Variants in INTS12 observed in about 807,000 individuals in gnomAD.
The protein encoded by INTS12 is integrator complex subunit 12.
A neutral mutation model predicts 41.6 loss-of-function variants in INTS12; 13 were observed. The observed-to-expected ratio is 0.31, with a 90% CI of 0.20 to 0.50. INTS12 has a LOEUF of 0.50. Ranked by LOEUF, INTS12 falls within the 20% of genes least tolerant of loss-of-function variation. The pLI, the probability that INTS12 is intolerant of heterozygous loss-of-function variation, is 0.98. For synonymous variants in INTS12, 199 were observed against 191.4 expected (o/e 1.04, Z -0.33); for missense variants, 432 against 541.6 (o/e 0.80, Z 2.01).
chr4:105,700,640 G>A (rs1402862540), intron 2 of INTS12, among the ~76,000 whole-genome samples: 1 of 147,688 alleles, frequency 6.8e-6, no homozygotes, highest in Admixed American at 6.8e-5. Flanking sequence ...TTTAGATTGT[G>A]GTATCTCATG....
Position 105,693,293 on chromosome 4 carries a change from A to C in INTS12, c.497+6T>G. ...ACAAAAGAATCTGTGGCAAGGTACAACTTACCTACAAACAACGCAGGCCAA... is the reference window on the plus strand; with the variant it reads ...ACAAAAGAATCTGTGGCAAGGTACACCTTACCTACAAACAACGCAGGCCAA... On this transcript the variant is annotated splice_donor_region_variant and intron_variant, in intron 5 of 7. Transcript: ENST00000340139. 1.9e-6 allele frequency: 3 copies of C among 1,578,894 alleles called. No individual in the cohort carries two copies. The highest frequency in any genetic ancestry group is 2.6e-6 in the Non-Finnish European group (3 of 1,155,142).
chr4:105,692,379 G>T (rs1731720962), intron 5 of INTS12, among the ~76,000 whole-genome samples: 1 of 150,910 alleles, frequency 6.6e-6, no homozygotes, highest in African/African-American at 2.4e-5. Flanking sequence ...CACTACTCAG[G>T]AGGCTGAGGC....
intron 1 of INTS12, chr4:105,708,135 C>G (rs950658807): frequency 1.1e-5 from 11 of 985,242 alleles, no homozygotes; most frequent in Admixed American, 6.2e-5. Flanking sequence ...GTTCTTGGTT[C>G]TGGATAACAC....
rs1271432890 is a variant in INTS12 at position 105,683,089 on chromosome 4, C to T, written c.1033G>A (p.Gly345Ser). 1 of 1,613,942 alleles carries T rather than the reference C, an allele frequency of 6.2e-7. No homozygotes were observed. The highest frequency in any genetic ancestry group is 1.3e-5 in the African/African-American group (1 of 74,912). The change falls in exon 8 of 8, where the codon GGT becomes AGT. Residue 345 changes from glycine (G) to serine (S), a missense_variant. By Grantham distance (56) the Gly-to-Ser change is moderately conservative (BLOSUM62 0). Coordinates refer to ENST00000340139, the MANE Select transcript of INTS12 (RefSeq NM_020395.4). ...GLATSSKGGI[G>S]SKIGSNNSTT... ...CTGTTATTGGAACCTATTTTGGAAC[C>T]TATTCCACCTTTGGATGATGTTGCC...
Position 105,686,734 on chromosome 4 carries a change from T to A in INTS12, c.762A>T (p.Lys254Asn), listed in dbSNP as rs1365806998. Reference protein sequence around the residue: ...PLVKKPETKLKQETTFLAFKR... With the variant: ...PLVKKPETKLNQETTFLAFKR... Reference sequence around the variant, plus strand: ...TAAACGCTAGAAAAGTTGTCTCTTGTTTCAGTTTAGTTTCTGGTTTCTTAA... The same window carrying A: ...TAAACGCTAGAAAAGTTGTCTCTTGATTCAGTTTAGTTTCTGGTTTCTTAA... The change falls in exon 7 of 8, where the codon AAA becomes AAT. Residue 254 changes from lysine (K) to asparagine (N), a missense_variant. By Grantham distance (94) the Lys-to-Asn change is moderately conservative (BLOSUM62 0). Around this residue, in one of 3 missense-constraint regions of INTS12, gnomAD observed 258 missense variants for 309.9 expected, o/e 0.83. Transcript: ENST00000340139. The A allele has an allele frequency of 6.2e-7, 1 of 1,613,578 alleles. No individual in the cohort carries two copies. Among genetic ancestry groups the A allele is most frequent in the Non-Finnish European group, 8.5e-7 (1 of 1,179,690 alleles).
At position 105,686,736 on chromosome 4, in the gene INTS12, T is replaced by C. The variant is rs774394296; in HGVS notation, c.760A>G (p.Lys254Glu). 5.6e-6 allele frequency: 9 copies of C among 1,613,728 alleles called. No individual in the cohort carries two copies. The South Asian group carries it at 9.9e-5, about 18-fold the overall frequency. Residue 254 changes from lysine to glutamate, a missense_variant, in exon 7 of 8, where the codon AAA becomes GAA. Lys to Glu is a moderately conservative substitution (Grantham distance 56). Around this residue, in one of 3 missense-constraint regions of INTS12, gnomAD observed 258 missense variants for 309.9 expected, o/e 0.83. Transcript: ENST00000340139. The stretch of plus-strand genomic sequence containing the variant: ...AACGCTAGAAAAGTTGTCTCTTGTT[T>C]CAGTTTAGTTTCTGGTTTCTTAACC... ...PLVKKPETKLKQETTFLAFKR... is the reference protein window; with the variant it reads ...PLVKKPETKLEQETTFLAFKR...
At chr4:105,685,545 T>G (rs1731470897) in intron 7 of INTS12, among the ~76,000 whole-genome samples, 1 of 152,160 alleles carries the variant, frequency 6.6e-6, no homozygotes, top group African/African-American at 2.4e-5. Flanking sequence ...TAAAAGTATT[T>G]CGTATTCATA....
At position 105,695,511 on chromosome 4, in the gene INTS12, C is replaced by G. The variant is rs1731829507; in HGVS notation, c.309+5G>C. 1 of 1,585,670 alleles carries G rather than the reference C, an allele frequency of 6.3e-7. No homozygotes were observed. The highest frequency in any genetic ancestry group is 1.4e-5 in the African/African-American group (1 of 73,188). ...TCTTTTAACAAGATTAAAATAAAAT[C>G]TTACTTTATCAGCAGGTCTCTTTTC... On this transcript the variant is annotated splice_donor_5th_base_variant and intron_variant, in intron 4 of 7. Transcript: ENST00000340139.
At chr4:105,698,416 A>G (rs575945812) in intron 3 of INTS12, among the ~76,000 whole-genome samples, 4 of 152,350 alleles carry the variant, frequency 2.6e-5, no homozygotes, top group East Asian at 1.9e-4. Context: ...TTAAAAACCT[A>G]TAACAAAGTA....
chr4:105,696,803 T>A (rs1274532854), intron 3 of INTS12, among the ~76,000 whole-genome samples: 1 of 152,182 alleles, frequency 6.6e-6, no homozygotes, highest in African/African-American at 2.4e-5. Flanking sequence ...CATTTTATAT[T>A]TCCACCAAGC....
At chr4:105,684,386 C>T (rs551697009) in intron 7 of INTS12, among the ~76,000 whole-genome samples, 37 of 152,120 alleles carry the variant, frequency 2.4e-4, no homozygotes, top group Non-Finnish European at 4.6e-4. Flanking sequence ...AAAATAACAT[C>T]CTACTTAAAA....
intron 4 of INTS12, 60 bp from the exon 5 acceptor site, chr4:105,693,546 C>T (rs1731761427): frequency 7.0e-7 from 1 of 1,419,702 alleles, no homozygotes; most frequent in Non-Finnish European, 9.8e-7. Context: ...CTTTAAGTCA[C>T]TGAAAGACGA....
intron 1 of INTS12, chr4:105,708,306 G>A (rs933331877): frequency 2.3e-4 from 227 of 985,462 alleles, no homozygotes; most frequent in Non-Finnish European, 2.6e-4. Context: ...CCTTGACAGG[G>A]GAGCCAAAAG....
At chr4:105,687,288 T>G (rs1731530101) in intron 6 of INTS12, among the ~76,000 whole-genome samples, 1 of 152,198 alleles carries the variant, frequency 6.6e-6, no homozygotes, top group African/African-American at 2.4e-5. Context: ...ATCATTTATA[T>G]GGTTTTAAAT....
intron 2 of INTS12, chr4:105,702,825 C>T: frequency 1.1e-6 from 1 of 925,612 alleles, no homozygotes; most frequent in Non-Finnish European, 1.3e-6. Context: ...AGTAGTTGAA[C>T]CTAAAATAAA....
At chr4:105,697,138 T>C (rs1578388050) in intron 3 of INTS12, among the ~76,000 whole-genome samples, 1 of 152,326 alleles carries the variant, frequency 6.6e-6, no homozygotes, top group East Asian at 1.9e-4. Flanking sequence ...TTTCTCTCAG[T>C]CTGTGGCTTG....
intron 6 of INTS12, 93 bp from the exon 7 acceptor site, chr4:105,686,931 A>G (rs1375863102): frequency 9.3e-7 from 1 of 1,077,604 alleles, no homozygotes; most frequent in African/African-American, 1.6e-5. Flanking sequence ...CTGAAATGAA[A>G]TACAGTTGAA....
At chr4:105,699,785 A>G in intron 3 of INTS12, 65 bp downstream of exon 3, 1 of 1,089,598 alleles carries the variant, frequency 9.2e-7, no homozygotes, top group Non-Finnish European at 1.3e-6. Flanking sequence ...GATGGTCTAT[A>G]TGTTATCAAT....
In INTS12 at chr4:105,699,902, A is replaced by G; in HGVS notation, c.104T>C (p.Leu35Pro). The G allele has an allele frequency of 6.4e-7, 1 of 1,560,304 alleles. No individual in the cohort carries two copies. The highest frequency in any genetic ancestry group is 8.8e-7 in the Non-Finnish European group (1 of 1,141,284). ...AATGCCCCGAGCCAAAGATTCATCA[A>G]GCAGTGCTTTTAGCTTTTCAGCAGA... ...KDSAEKLKAL[L>P]DESLARGIDS... The change falls in exon 3 of 8, where the codon CTT becomes CCT. Residue 35 changes from leucine (L) to proline (P), a missense_variant. Leu to Pro is a moderately conservative substitution (Grantham distance 98). Coordinates refer to ENST00000340139, the MANE Select transcript of INTS12 (RefSeq NM_020395.4).
Sources: allele counts gnomAD v4.1 joint callset (sites outside exome capture counted in the v4.1 genomes callset), GRCh38; gene constraint gnomAD v4.1.1; regional missense constraint gnomAD v4.1.1; transcripts MANE v1.5; gene names NCBI Gene and HGNC (gene_info 2026-07-23, HGNC 2026-07-21).